The following AKAP13 variants were observed in gnomAD, a reference collection of about 807,000 sequenced individuals.
AKAP13 encodes A-kinase anchoring protein 13.
A neutral mutation model predicts 264.5 loss-of-function variants in AKAP13; 80 were observed. That is an observed-to-expected ratio of 0.30 (90% CI 0.25 to 0.36). The LOEUF is 0.36. Among genes scored for constraint, AKAP13 ranks in the 10% least tolerant of loss-of-function variants. The pLI is 1.00. For missense variants in AKAP13, 3,712 were observed against 3,435.2 expected, an observed-to-expected ratio of 1.08 and a Z score of -2.01; for synonymous variants, 1,380 against 1,250.2, an observed-to-expected ratio of 1.10 and a Z score of -2.19.
At chr15:85,630,195 A>G (rs2081653945) in intron 8 of AKAP13, among the ~76,000 whole-genome samples, 2 of 73,726 alleles carry the variant, frequency 2.7e-5, no homozygotes, top group Admixed American at 1.6e-4. Flanking sequence ...ACACACACAC[A>G]CACACACACA....
At chr15:85,652,211 A>C (rs1219376724) in intron 10 of AKAP13, among the ~76,000 whole-genome samples, 2 of 152,200 alleles carry the variant, frequency 1.3e-5, no homozygotes, top group African/African-American at 4.8e-5. Context: ...CAGGCCACCA[A>C]AGATTTTCCC....
chr15:85,631,500 TCTCA>T lies in AKAP13; in HGVS notation c.4162-7872_4162-7869del, dbSNP rs1244737825. ...CACACACTTTCTCTCTCTCTCTCTC[TCTCA>T]CACACACACACACACACACACACAC... On this transcript the variant is annotated intron_variant, in intron 8 of 36. Transcript: ENST00000394518. 5.7e-3 allele frequency among the ~76,000 whole-genome samples: 458 copies of T among 80,124 alleles called. 4 individuals are homozygous for T. Among genetic ancestry groups the T allele is most frequent in the Non-Finnish European group, 7.3e-3 (269 of 36,804 alleles). 52.6% of individuals were successfully genotyped at this position (80,124 alleles called of 152,430 possible). A position where few individuals can be genotyped will look rare whatever the true frequency, so the allele number is the denominator to read the frequency against.
intron 16 of AKAP13, among the ~76,000 whole-genome samples, chr15:85,686,096 T>C (rs966603474): frequency 2.6e-5 from 4 of 151,784 alleles, no homozygotes; most frequent in African/African-American, 9.7e-5. Flanking sequence ...AATAAAGACA[T>C]AAGTAAATAA....
chr15:85,414,066 G>C (rs1323107969), intron 1 of AKAP13, among the ~76,000 whole-genome samples: 1 of 152,162 alleles, frequency 6.6e-6, no homozygotes, highest in Non-Finnish European at 1.5e-5. Context: ...GAAAAAAGGT[G>C]TAACTCTTTT....
chr15:85,425,191 T>TA (rs1438849484), intron 1 of AKAP13, among the ~76,000 whole-genome samples: 2 of 152,168 alleles, frequency 1.3e-5, no homozygotes, highest in Non-Finnish European at 2.9e-5. Flanking sequence ...TTCAATTTGT[T>TA]AAAAATCTCT....
intron 8 of AKAP13, among the ~76,000 whole-genome samples, chr15:85,608,755 A>G (rs918652827): frequency 4.6e-5 from 7 of 152,190 alleles, no homozygotes; most frequent in Admixed American, 6.5e-5. Flanking sequence ...GAACCTTGAT[A>G]CACAATTAGG....
At chr15:85,739,976 T>A (rs2088833993) in intron 33 of AKAP13, among the ~76,000 whole-genome samples, 1 of 152,216 alleles carries the variant, frequency 6.6e-6, no homozygotes, top group Non-Finnish European at 1.5e-5. Flanking sequence ...AATGGAAGCT[T>A]TCTATTACAT....
chr15:85,464,707 T>G (rs531413385), intron 1 of AKAP13, among the ~76,000 whole-genome samples: 1 of 152,214 alleles, frequency 6.6e-6, no homozygotes, highest in Non-Finnish European at 1.5e-5. Flanking sequence ...GTAACTAGAA[T>G]TTAACCTCAG....
At chr15:85,558,507 G>A (rs2078231915) in intron 5 of AKAP13, among the ~76,000 whole-genome samples, 1 of 152,136 alleles carries the variant, frequency 6.6e-6, no homozygotes, top group African/African-American at 2.4e-5. Context: ...TGAACTTCGT[G>A]CCTGAAGATG....
At chr15:85,390,937 G>A (rs1004890391) in intron 1 of AKAP13, among the ~76,000 whole-genome samples, 4 of 152,142 alleles carry the variant, frequency 2.6e-5, no homozygotes, top group African/African-American at 7.2e-5. Context: ...TTAAGTGAAG[G>A]TATCAGTAAG....
intron 8 of AKAP13, among the ~76,000 whole-genome samples, chr15:85,625,511 G>A (rs879125203): frequency 6.6e-6 from 1 of 152,108 alleles, no homozygotes; most frequent in Admixed American, 6.6e-5. Context: ...CATGAGAACA[G>A]GATCCCTTTA....
intron 8 of AKAP13, among the ~76,000 whole-genome samples, chr15:85,630,192 C>T (rs1567164436): frequency 2.6e-5 from 2 of 78,082 alleles, no homozygotes; most frequent in East Asian, 7.0e-4. Context: ...CACACACACA[C>T]ACACACACAC....
intron 17 of AKAP13, among the ~76,000 whole-genome samples, chr15:85,695,312 G>C (rs1366697644): frequency 6.6e-6 from 1 of 152,206 alleles, no homozygotes; most frequent in African/African-American, 2.4e-5. Context: ...GCTGAGGCAG[G>C]AGAATTGCTT....
At chr15:85,737,851 C>G (rs1205218029) in intron 33 of AKAP13, among the ~76,000 whole-genome samples, 2 of 152,004 alleles carry the variant, frequency 1.3e-5, no homozygotes, top group Non-Finnish European at 2.9e-5. Context: ...GTTGCCCAGG[C>G]TGGTCTCGAA....
At chr15:85,406,396 G>GTTTTTTTT (rs34569805) in intron 1 of AKAP13, among the ~76,000 whole-genome samples, 4 of 143,832 alleles carry the variant, frequency 2.8e-5, no homozygotes, top group Non-Finnish European at 3.0e-5. Context: ...CTAGAAAATA[G>GTTTTTTTT]TTTTTTTTTT....
chr15:85,626,622 A>C (rs557202149), intron 8 of AKAP13, among the ~76,000 whole-genome samples: 1 of 152,280 alleles, frequency 6.6e-6, no homozygotes, highest in South Asian at 2.1e-4. Context: ...TATATACCAT[A>C]TTTTGTTTAC....
At chr15:85,649,761 A>C (rs1159128073) in intron 10 of AKAP13, among the ~76,000 whole-genome samples, 1 of 152,190 alleles carries the variant, frequency 6.6e-6, no homozygotes, top group African/African-American at 2.4e-5. Context: ...CAATAGCATA[A>C]AATTTAGATT....
At position 85,743,649 on chromosome 15, in the gene AKAP13, A is replaced by C. The variant is rs747850055; in HGVS notation, c.8216A>C (p.Lys2739Thr). Residue 2739 changes from lysine to threonine, a missense_variant, in exon 36 of 37, where the codon AAA becomes ACA. By Grantham distance (78) the Lys-to-Thr change is moderately conservative (BLOSUM62 -1). Around this residue, in one of 3 missense-constraint regions of AKAP13, gnomAD observed 611 missense variants for 539.3 expected, o/e 1.13. Transcript: ENST00000394518. Reference protein sequence around the residue: ...PKRNSISRTHKDKGPFHILSS... With the variant: ...PKRNSISRTHTDKGPFHILSS... ...AGGAACAGCATCTCTCGGACACACA[A>C]AGATAAGGGGCCTTTTCACATACTG... The C allele has an allele frequency of 1.2e-5, 20 of 1,614,038 alleles. No individual in the cohort carries two copies. The highest frequency in any genetic ancestry group is 1.6e-4 in the Middle Eastern group (1 of 6,084).
intron 2 of AKAP13, among the ~76,000 whole-genome samples, chr15:85,492,961 G>A (rs1035895330): frequency 3.9e-5 from 6 of 152,178 alleles, no homozygotes; most frequent in African/African-American, 1.4e-4. Context: ...ATAAGAGATG[G>A]TATGAGTAGT....
Sources: gnomAD v4.1 joint callset for allele counts (sites outside exome capture counted in the v4.1 genomes callset) on GRCh38, gnomAD v4.1.1 for gene constraint, gnomAD v4.1.1 regional missense constraint, MANE v1.5 for transcripts, NCBI Gene and HGNC (gene_info 2026-07-23, HGNC 2026-07-21) for gene names.